ZNF837: variants seen among roughly 807,000 people sequenced by gnomAD.
The protein encoded by ZNF837 is zinc finger protein 837.
For synonymous variants in ZNF837, 475 were observed against 365.2 expected (o/e 1.30, Z -3.43); for missense variants, 955 against 801.7 (o/e 1.19, Z -2.31).
rs997797463 is a variant in ZNF837, at chr19:58,369,334, C to T, written c.-2G>A. The T allele has an allele frequency of 3.7e-6, 5 of 1,358,700 alleles. No homozygotes were observed. The African/African-American group carries it at 6.2e-5, about 17-fold the overall frequency. 84.2% of individuals were successfully genotyped at this position (1,358,700 alleles called of 1,614,324 possible). On this transcript the variant is annotated 5_prime_UTR_variant, in exon 3 of 3. Coordinates refer to ENST00000597582, the MANE Select transcript of ZNF837 (RefSeq NM_138466.2). ...AGCCTTCTGGGCTGGAGCCTCCATC[C>T]TGGGGCGCAGAGTTCTGGTTGTAGG...
intron 1 of ZNF837, among the ~76,000 whole-genome samples, chr19:58,379,253 A>T (rs2052272054): frequency 6.6e-6 from 1 of 152,110 alleles, no homozygotes. Flanking sequence ...GTGGGGGCTG[A>T]GGGGCACCTG....
chr19:58,369,756 GTCCTCCTGGC>G (rs1056191236), intron 2 of ZNF837, 53 bp downstream of exon 2: 3 of 158,284 alleles, frequency 1.9e-5, no homozygotes, highest in African/African-American at 7.2e-5. Context: ...GACACTCCGG[GTCCTCCTGGC>G]TCCATTCACT....
rs1276804719 is a variant in ZNF837 at position 58,368,108 on chromosome 19, G to A, written c.1225C>T (p.His409Tyr). Residue 409 changes from histidine to tyrosine, a missense_variant, in exon 3 of 3, where the codon CAC becomes TAC. Physicochemically the swap from His to Tyr is moderately conservative, Grantham distance 83. Coordinates refer to ENST00000597582, the MANE Select transcript of ZNF837 (RefSeq NM_138466.2). ...AFNQRSNLSR[H>Y]QRTHSSAKPY... ...TTGGCGCTGCTGTGAGTGCGCTGGT[G>A]CCGGCTCAGGTTCGAGCGCTGGTTG... The A allele has an allele frequency of 1.3e-6, 2 of 1,568,858 alleles. No individual in the cohort carries two copies. Among genetic ancestry groups the A allele is most frequent in the Non-Finnish European group, 1.7e-6 (2 of 1,159,778 alleles).
rs2052171261 is a variant in ZNF837, at chr19:58,368,876, G to A, written c.457C>T (p.Gln153Ter). The change falls in exon 3 of 3, where the codon CAG becomes TAG. Residue 153 changes from glutamine to a stop codon, truncating the protein, a stop_gained. Coordinates refer to ENST00000597582, the MANE Select transcript of ZNF837 (RefSeq NM_138466.2). LOFTEE classifies it low-confidence loss of function (END_TRUNC). ...CACAGTTGAGTCCGGGGGTGGTTCT[G>A]GATCCGCTCCGGACAGGGGTCACAC... The part of the protein sequence containing the change: ...PVCDPCPERI[Q>*]NHPRTQLCEV... 5 of 1,547,662 alleles carry A rather than the reference G, an allele frequency of 3.2e-6. No homozygotes were observed. Among genetic ancestry groups the A allele is most frequent in the Non-Finnish European group, 4.4e-6 (5 of 1,146,684 alleles).
rs2052180383 is a variant in ZNF837, at chr19:58,369,439, C to T, written c.-29-78G>A. 4 of 1,223,542 alleles carry T rather than the reference C, an allele frequency of 3.3e-6. No individual in the cohort carries two copies. In the African/African-American group the frequency reaches 4.7e-5, roughly 15 times the overall value. 75.8% of individuals were successfully genotyped at this position (1,223,542 alleles called of 1,614,324 possible). On this transcript the variant is annotated intron_variant, in intron 2 of 2. Transcript: ENST00000597582. ...GGAGAACTGGGCCAACGAGCGACCA[C>T]CCCACAGCTGGCACCTACTGGGCGG...
chr19:58,368,290 C>T lies in ZNF837; in HGVS notation c.1043G>A (p.Ser348Asn). 1.3e-6 allele frequency: 2 copies of T among 1,483,658 alleles called. No individual in the cohort carries two copies. Among genetic ancestry groups the T allele is most frequent in the Non-Finnish European group, 1.8e-6 (2 of 1,125,084 alleles). 91.9% of individuals were successfully genotyped at this position (1,483,658 alleles called of 1,614,324 possible). A position where few individuals can be genotyped will look rare whatever the true frequency, so the allele number is the denominator to read the frequency against. ...CGACCCCCGTCGGGGACTCCGCTCG[C>T]TGTAGTCCCCGCAGGGCGGGCACCC... The part of the protein sequence containing the change: ...RLGCPPCGDY[S>N]ERSPRRGSGA... Residue 348 changes from serine (S) to asparagine (N), a missense_variant, in exon 3 of 3, where the codon AGC becomes AAC. Coordinates refer to ENST00000597582, the MANE Select transcript of ZNF837 (RefSeq NM_138466.2).
rs553415131 is a variant in ZNF837, at chr19:58,378,129, C to G, written c.-140+2812G>C. 1.0e-3 allele frequency among the ~76,000 whole-genome samples: 155 copies of G among 152,336 alleles called. 1 individual carries two copies. Among genetic ancestry groups the G allele is most frequent in the African/African-American group, 3.3e-3 (137 of 41,588 alleles). ...AAAGGGGTTGGTCCAGGGTCATTGC[C>G]AGGCTGGGATCTGAGGTCCCCACAC... On this transcript the variant is annotated intron_variant, in intron 1 of 2. Transcript: ENST00000597582.
chr19:58,373,164 A>C (rs910335913), intron 1 of ZNF837, among the ~76,000 whole-genome samples: 7 of 152,126 alleles, frequency 4.6e-5, no homozygotes, highest in Non-Finnish European at 7.4e-5. Context: ...GGTTTTCCTG[A>C]GACTTCCCGG....
Position 58,368,921 on chromosome 19 carries a change from C to T in ZNF837, c.412G>A (p.Ala138Thr), listed in dbSNP as rs753048834. The T allele has an allele frequency of 3.2e-6, 5 of 1,546,608 alleles. No individual in the cohort carries two copies. The highest frequency in any genetic ancestry group is 3.5e-6 in the Non-Finnish European group (4 of 1,145,004). The change falls in exon 3 of 3, where the codon GCT becomes ACT. Residue 138 changes from alanine to threonine, a missense_variant. Ala to Thr is a moderately conservative substitution (Grantham distance 58, BLOSUM62 0). Transcript: ENST00000597582. ...TCACACACGGGTGGCGTCTCCCCAG[C>T]GGGCGCCCCGCGATGCCACGCCAGG... ...SCLAWHRGAPAGETPPVCDPC... is the reference protein window; with the variant it reads ...SCLAWHRGAPTGETPPVCDPC...
Position 58,367,854 on chromosome 19 carries a change from G to T in ZNF837, c.1479C>A (p.His493Gln), listed in dbSNP as rs1412468103. The change falls in exon 3 of 3, where the codon CAC (histidine) becomes CAA (glutamine). Residue 493 changes from histidine (H) to glutamine (Q), a missense_variant. His to Gln is a conservative substitution (Grantham distance 24). Transcript: ENST00000597582. ...GCCGCTCGCCCGTGTGCGTGCGCAG[G>T]TGGCGCACCAGGCTGCAGTTGCGCA... Reference protein sequence around the residue: ...AFVRNCSLVRHLRTHTGERPY... With the variant: ...AFVRNCSLVRQLRTHTGERPY... 1.3e-6 allele frequency: 2 copies of T among 1,536,032 alleles called. No individual in the cohort carries two copies. Among genetic ancestry groups the T allele is most frequent in the Admixed American group, 2.0e-5 (1 of 50,536 alleles).
chr19:58,367,789 C>A lies in ZNF837; in HGVS notation c.1544G>T (p.Arg515Leu). ...CGDCGRAFSQ[R>L]SNLNEHRKRH... is the part of the protein sequence containing the mutation. ...CTTCCGGTGCTCGTTGAGGTTGGAG[C>A]GTTGGCTGAAGGCGCGGCCGCAATC... Residue 515 changes from arginine to leucine, a missense_variant, in exon 3 of 3, where the codon CGC becomes CTC. Physicochemically the swap from Arg to Leu is moderately radical, Grantham distance 102 (BLOSUM62 -2). Transcript: ENST00000597582. 6.5e-7 allele frequency: 1 copy of A among 1,536,284 alleles called. No homozygotes were observed. The highest frequency in any genetic ancestry group is 8.7e-7 in the Non-Finnish European group (1 of 1,146,048).
Position 58,367,769 on chromosome 19 carries a change from G to A in ZNF837, c.1564C>T (p.Arg522Trp), listed in dbSNP as rs539296881. Residue 522 changes from arginine (R) to tryptophan (W), a missense_variant, in exon 3 of 3, where the codon CGG becomes TGG. Coordinates refer to ENST00000597582, the MANE Select transcript of ZNF837 (RefSeq NM_138466.2). The part of the protein sequence containing the change: ...FSQRSNLNEH[R>W]KRHGGRAAP ...GCGGCGCGGCCCCCGTGCCGCTTCC[G>A]GTGCTCGTTGAGGTTGGAGCGTTGG... 4 of 1,534,562 alleles carry A rather than the reference G, an allele frequency of 2.6e-6. No individual in the cohort carries two copies. Among genetic ancestry groups the A allele is most frequent in the East Asian group, 4.9e-5 (2 of 40,826 alleles).
At chr19:58,380,607 G>C (rs1327145366) in intron 1 of ZNF837, among the ~76,000 whole-genome samples, 2 of 152,232 alleles carry the variant, frequency 1.3e-5, no homozygotes, top group African/African-American at 4.8e-5. Context: ...GCCGGCGTCG[G>C]CCTCGGCTAG....
intron 1 of ZNF837, among the ~76,000 whole-genome samples, chr19:58,372,166 T>G (rs1485281487): frequency 6.6e-6 from 1 of 152,140 alleles, no homozygotes; most frequent in Admixed American, 6.5e-5. Context: ...GCAATTCTCC[T>G]GCCTAAGCCT....
rs1252988355 is a variant in ZNF837, at chr19:58,368,491, G to C, written c.842C>G (p.Thr281Arg). The C allele has an allele frequency of 7.7e-6, 12 of 1,559,282 alleles. No homozygotes were observed. Among genetic ancestry groups the C allele is most frequent in the Middle Eastern group, 1.7e-4 (1 of 6,010 alleles). Residue 281 changes from threonine (T) to arginine (R), a missense_variant, in exon 3 of 3, where the codon ACG becomes AGG. Thr to Arg is a moderately conservative substitution (Grantham distance 71). Coordinates refer to ENST00000597582, the MANE Select transcript of ZNF837 (RefSeq NM_138466.2). The stretch of plus-strand genomic sequence containing the variant: ...GTGCTGCAGCAGGCTGGAGGTGCGC[G>C]TGAAGGCCTTGCCGCACTCGTCGCA... ...YACDECGKAF[T>R]RTSSLLQHQR...
In ZNF837 at chr19:58,368,586, A is replaced by C. The variant is rs1413208503; in HGVS notation, c.747T>G (p.Cys249Trp). 9 of 1,535,936 alleles carry C rather than the reference A, an allele frequency of 5.9e-6. No homozygotes were observed. The highest frequency in any genetic ancestry group is 7.9e-6 in the Non-Finnish European group (9 of 1,144,886). ...GTCGCGAGGTTTGGCCGCACTCAGG[A>C]CACACTGGGGGACTCTTGCCCGCCT... ...QQQAGKSPPV[C>W]PECGQTSRPR... The change falls in exon 3 of 3, where the codon TGT (cysteine) becomes TGG (tryptophan). Residue 249 changes from cysteine to tryptophan, a missense_variant. Cys to Trp is a radical substitution (Grantham distance 215, BLOSUM62 -2). Coordinates refer to ENST00000597582, the MANE Select transcript of ZNF837 (RefSeq NM_138466.2).
chr19:58,369,552 C>G (rs562938404), intron 2 of ZNF837, among the ~76,000 whole-genome samples, 191 bp from the exon 3 acceptor site: 4 of 152,092 alleles, frequency 2.6e-5, no homozygotes, highest in Non-Finnish European at 5.9e-5. Context: ...CACCCAGACC[C>G]CAGAGAACAG....
At position 58,369,219 on chromosome 19, in the gene ZNF837, G is replaced by T; in HGVS notation, c.114C>A (p.Asp38Glu). 2 of 1,438,504 alleles carry T rather than the reference G, an allele frequency of 1.4e-6. No homozygotes were observed. The highest frequency in any genetic ancestry group is 1.8e-6 in the Non-Finnish European group (2 of 1,098,580). The allele number at this position is 1,438,504 out of a possible 1,614,324, so 89.1% of individuals were successfully genotyped here. A position where few individuals can be genotyped will look rare whatever the true frequency, so the allele number is the denominator to read the frequency against. ...RPEEPRPLEE[D>E]RAGSRPTQKG... ...TTTGAGTGGGGCGGCTCCCAGCTCG[G>T]TCCTCTTCGAGGGGCCTCGGCTCCT... Residue 38 changes from aspartate (D) to glutamate (E), a missense_variant, in exon 3 of 3, where the codon GAC becomes GAA. Physicochemically the swap from Asp to Glu is conservative, Grantham distance 45. Coordinates refer to ENST00000597582, the MANE Select transcript of ZNF837 (RefSeq NM_138466.2).
At chr19:58,379,509 T>C (rs2052273763) in intron 1 of ZNF837, among the ~76,000 whole-genome samples, 1 of 152,106 alleles carries the variant, frequency 6.6e-6, no homozygotes, top group African/African-American at 2.4e-5. Flanking sequence ...GCAAACACAA[T>C]CGAGGCTCTG....
Sources: gnomAD v4.1 joint callset for allele counts (sites outside exome capture counted in the v4.1 genomes callset) on GRCh38, gnomAD v4.1.1 for gene constraint, MANE v1.5 for transcripts, NCBI Gene and HGNC (gene_info 2026-07-23, HGNC 2026-07-21) for gene names.